NOP53: variants seen among roughly 807,000 people sequenced by gnomAD.
The protein encoded by NOP53 is ribosome biogenesis protein NOP53.
NOP53 carries 40 observed loss-of-function variants against 61.0 expected under a neutral mutation model. That is an observed-to-expected ratio of 0.66 (90% CI 0.51 to 0.85). NOP53 has a LOEUF of 0.85. Among genes scored for constraint, NOP53 ranks in the 40% least tolerant of loss-of-function variants. The pLI, the probability that NOP53 is intolerant of heterozygous loss-of-function variation, is 0.00. For synonymous variants in NOP53, 308 were observed against 289.5 expected, an observed-to-expected ratio of 1.06 and a Z score of -0.65; for missense variants, 689 against 652.9, an observed-to-expected ratio of 1.06 and a Z score of -0.60.
chr19:47,745,923 A>G (rs567766860), intron 1 of NOP53, 140 bp downstream of exon 1: 3 of 607,196 alleles, frequency 4.9e-6, no homozygotes, highest in South Asian at 2.1e-5. Flanking sequence ...CGCCGAGGAA[A>G]TGGAGAGCAT....
At chr19:47,750,115 G>T in intron 2 of NOP53, 63 bp from the exon 3 acceptor site, 1 of 1,010,274 alleles carries the variant, frequency 9.9e-7, no homozygotes, top group Middle Eastern at 2.1e-4. Context: ...AGGTGAATAG[G>T]GTGGGTGGTC....
At position 47,755,649 on chromosome 19, in the gene NOP53, A is replaced by G. The variant is rs556677739; in HGVS notation, c.1230-107A>G. ...ATCGGGAGACCACCTCTTCCCCCACAAAACCCCACATTCTCAGAGGCCCCT... is the reference window on the plus strand; with the variant it reads ...ATCGGGAGACCACCTCTTCCCCCACGAAACCCCACATTCTCAGAGGCCCCT... On this transcript the variant is annotated intron_variant, in intron 9 of 12. Coordinates refer to ENST00000246802, the MANE Select transcript of NOP53 (RefSeq NM_015710.5). The G allele has an allele frequency of 1.1e-5, 15 of 1,334,666 alleles. No individual in the cohort carries two copies. The African/African-American group carries it at 1.6e-4, about 14-fold the overall frequency. 82.7% of individuals were successfully genotyped at this position (1,334,666 alleles called of 1,614,324 possible).
At position 47,754,326 on chromosome 19, in the gene NOP53, A is replaced by C. The variant is rs1386771217; in HGVS notation, c.766-201A>C. ...GGTCAGACTGCCTTCACAGACGTGC[A>C]GAGCAGGTGTGAGGGCGAGGGTTTG... On this transcript the variant is annotated intron_variant, in intron 6 of 12. Transcript: ENST00000246802. This position sits in a 1 kb window ranked among gnomAD's most constrained non-coding sequence, Gnocchi z 4.2. 6.9e-6 allele frequency: 4 copies of C among 579,784 alleles called. No individual in the cohort carries two copies. Among genetic ancestry groups the C allele is most frequent in the Non-Finnish European group, 1.2e-5 (4 of 320,706 alleles). 35.9% of individuals were successfully genotyped at this position (579,784 alleles called of 1,614,324 possible).
intron 5 of NOP53, 131 bp downstream of exon 5, chr19:47,751,721 A>G (rs1048039897): frequency 1.4e-5 from 10 of 738,738 alleles, no homozygotes; most frequent in Non-Finnish European, 2.1e-5. Flanking sequence ...TGCTGGAGCC[A>G]GGTGGCTGGG....
chr19:47,751,181 CGAGA>C, intron 4 of NOP53, 74 bp downstream of exon 4: 1 of 1,342,800 alleles, frequency 7.4e-7, no homozygotes, highest in Non-Finnish European at 1.0e-6. Flanking sequence ...GTGCACTGCA[CGAGA>C]GTACAGTGTG....
Position 47,754,573 on chromosome 19 carries a change from A to G in NOP53, c.812A>G (p.Glu271Gly). The G allele has an allele frequency of 6.4e-7, 1 of 1,553,080 alleles. No homozygotes were observed. The highest frequency in any genetic ancestry group is 2.3e-4 in the Middle Eastern group (1 of 4,372). ...GAGGTGGAGTTGCAGCGGCAGAAGG[A>G]GGCGGAGAAGCTGGAGCGGCAGCTG... ...AHEVELQRQK[E>G]AEKLERQLAL... The change falls in exon 7 of 13, where the codon GAG becomes GGG. Residue 271 changes from glutamate (E) to glycine (G), a missense_variant. Coordinates refer to ENST00000246802, the MANE Select transcript of NOP53 (RefSeq NM_015710.5). This position sits in a 1 kb window ranked among gnomAD's most constrained non-coding sequence, Gnocchi z 4.2.
At chr19:47,751,157 A>G (rs552963337) in intron 4 of NOP53, 50 bp downstream of exon 4, 1 of 1,499,074 alleles carries the variant, frequency 6.7e-7, no homozygotes, top group South Asian at 1.2e-5. Flanking sequence ...GGCCATGTGC[A>G]GTTTGTGTGT....
chr19:47,754,590 C>A lies in NOP53; in HGVS notation c.829C>A (p.Arg277=). ...GCAGAAGGAGGCGGAGAAGCTGGAG[C>A]GGCAGCTGGCCCTGCCCGCCACGGA... ...QRQKEAEKLE[R]QLALPATEQA... Residue 277 remains arginine, a synonymous_variant, in exon 7 of 13, where the codon CGG becomes AGG. Coordinates refer to ENST00000246802, the MANE Select transcript of NOP53 (RefSeq NM_015710.5). This position sits in a 1 kb window ranked among gnomAD's most constrained non-coding sequence, Gnocchi z 4.2. 1.3e-6 allele frequency: 2 copies of A among 1,550,624 alleles called. No individual in the cohort carries two copies. The highest frequency in any genetic ancestry group is 1.7e-6 in the Non-Finnish European group (2 of 1,148,312).
rs772234891 is a variant in NOP53 at position 47,756,553 on chromosome 19, G to A, written c.1322G>A (p.Arg441Gln). The A allele has an allele frequency of 1.2e-5, 19 of 1,613,934 alleles. No individual in the cohort carries two copies. The highest frequency in any genetic ancestry group is 4.5e-5 in the East Asian group (2 of 44,886). ...LKPEGNILRD[R>Q]FKSFQRRNMI... Reference sequence around the variant, plus strand: ...CCCGAGGGCAACATCCTTCGAGACCGGTTCAAGAGCTTCCAGAGGAGGAAT... The same window carrying A: ...CCCGAGGGCAACATCCTTCGAGACCAGTTCAAGAGCTTCCAGAGGAGGAAT... The change falls in exon 11 of 13, where the codon CGG becomes CAG. Residue 441 changes from arginine to glutamine, a missense_variant. Transcript: ENST00000246802.
chr19:47,755,567 C>T (rs1475603135), intron 9 of NOP53, 44 bp downstream of exon 9: 1 of 1,450,262 alleles, frequency 6.9e-7, no homozygotes, highest in Non-Finnish European at 9.1e-7. Flanking sequence ...GGGGAGGGGG[C>T]CGGGTCCCAG....
intron 1 of NOP53, chr19:47,746,073 CA>C: frequency 2.2e-6 from 1 of 456,462 alleles, no homozygotes; most frequent in Admixed American, 4.0e-5. Context: ...TCCATGCATC[CA>C]CCTTAGCTTG....
At chr19:47,753,377 A>G in intron 6 of NOP53, 1 of 152,664 alleles carries the variant, frequency 6.6e-6, no homozygotes, top group East Asian at 1.9e-4. Context: ...CAGGAGGTCC[A>G]GGCTGCAGTG....
At chr19:47,751,130 A>G (rs777876858) in intron 4 of NOP53, 23 bp downstream of exon 4, 31 of 1,574,050 alleles carry the variant, frequency 2.0e-5, no homozygotes, top group Middle Eastern at 1.7e-4. Flanking sequence ...GCTGTCACCT[A>G]TGAATGGGGA....
chr19:47,756,894 G>T (rs1967208408), intron 12 of NOP53, 105 bp from the exon 13 acceptor site: 5 of 1,552,332 alleles, frequency 3.2e-6, no homozygotes, highest in African/African-American at 1.4e-5. Context: ...CCAGAGCGGG[G>T]TTGGGAGGGT....
rs147959607 is a variant in NOP53, at chr19:47,756,745, G to C, written c.1430+1G>C. 1.1e-5 allele frequency: 17 copies of C among 1,613,382 alleles called. No individual in the cohort carries two copies. The highest frequency in any genetic ancestry group is 1.4e-5 in the Non-Finnish European group (17 of 1,179,964). The stretch of plus-strand genomic sequence containing the variant: ...AGAAGCGGGCGTTCCGTGAGATCCA[G>C]TGAGTCCACCCGGCTTCGGCGCAAG... On this transcript the variant is annotated splice_donor_variant, in intron 12 of 12. Coordinates refer to ENST00000246802, the MANE Select transcript of NOP53 (RefSeq NM_015710.5). LOFTEE classifies it high-confidence loss of function.
intron 2 of NOP53, among the ~76,000 whole-genome samples, chr19:47,747,307 G>T (rs1967076493): frequency 6.6e-6 from 1 of 152,116 alleles, no homozygotes; most frequent in African/African-American, 2.4e-5. Context: ...CACATTAAAG[G>T]ATCTCTTTTT....
chr19:47,748,233 C>T (rs1967087237), intron 2 of NOP53, among the ~76,000 whole-genome samples: 1 of 151,908 alleles, frequency 6.6e-6, no homozygotes, highest in Non-Finnish European at 1.5e-5. Flanking sequence ...CCAAGATGAG[C>T]TTTAATAGGA....
chr19:47,746,675 G>T, intron 1 of NOP53: 1 of 261,788 alleles, frequency 3.8e-6, no homozygotes, highest in Non-Finnish European at 7.4e-6. Flanking sequence ...CCTAATTTTT[G>T]TATTTTTAGT....
intron 1 of NOP53, 191 bp downstream of exon 1, chr19:47,745,974 A>T (rs1219960227): frequency 5.6e-6 from 3 of 531,878 alleles, no homozygotes; most frequent in Non-Finnish European, 9.9e-6. Flanking sequence ...AGCTTGATAG[A>T]GTTACCAGAT....
Sources: allele counts gnomAD v4.1 joint callset (sites outside exome capture counted in the v4.1 genomes callset), GRCh38; gene constraint gnomAD v4.1.1; non-coding constraint Gnocchi (gnomAD v3.1); transcripts MANE v1.5; gene names NCBI Gene and HGNC (gene_info 2026-07-23, HGNC 2026-07-21).